Variants in BTG4 observed in about 807,000 individuals in gnomAD.
The protein encoded by BTG4 is protein BTG4.
Under a neutral mutation model 19.3 loss-of-function variants are expected in BTG4, and 10 were observed. The observed-to-expected ratio is 0.52, with a 90% confidence interval of 0.32 to 0.88. The LOEUF is 0.88. Among genes scored for constraint, BTG4 ranks in the 40% least tolerant of loss-of-function variants. The pLI is 0.04. For missense variants in BTG4, 238 were observed against 281.9 expected (o/e 0.84, Z 1.11); for synonymous variants, 91 against 95.7 (o/e 0.95, Z 0.29).
chr11:111,513,053 G>T (rs1216458890), upstream of BTG4: 3 of 457,222 alleles, frequency 6.6e-6, 1 homozygote, highest in South Asian at 4.7e-5. Context: ...GGAAGAAGAC[G>T]CCGGCTCGGG....
chr11:111,431,572 AAATAT>A, the BTG4 span, among the ~76,000 whole-genome samples: 1 of 152,220 alleles, frequency 6.6e-6, no homozygotes, highest in Non-Finnish European at 1.5e-5. Flanking sequence ...TCATATTCTC[AAATAT>A]TCACTGTTTA....
At chr11:111,467,113 C>T (rs1018943200), downstream of BTG4, among the ~76,000 whole-genome samples, 1 of 152,212 alleles carries the variant, frequency 6.6e-6, no homozygotes, top group South Asian at 2.1e-4. Context: ...GAATTAGTCA[C>T]TTTCTACATG....
chr11:111,513,393 T>G (rs1475825110), upstream of BTG4: 1 of 534,010 alleles, frequency 1.9e-6, no homozygotes, highest in Non-Finnish European at 3.8e-6. Context: ...TGCCTGCCTG[T>G]CACAACGTGT....
rs375606339 is a variant in BTG4 at position 111,497,978 on chromosome 11, C to A, written c.311+20G>T. On this transcript the variant is annotated intron_variant, in intron 3 of 4. Coordinates refer to ENST00000692032, the MANE Select transcript of BTG4 (RefSeq NM_001367975.1). ...AGGTTTCCAGGTATCACACAGCACA[C>A]AAACTATGAGATTACTCACCTACAG... The A allele has an allele frequency of 2.2e-5, 35 of 1,611,322 alleles. No individual in the cohort carries two copies. The South Asian group carries it at 3.9e-4, about 18-fold the overall frequency.
the BTG4 span, among the ~76,000 whole-genome samples, chr11:111,433,415 A>G: frequency 1.2e-4 from 18 of 152,362 alleles, no homozygotes; most frequent in Non-Finnish European, 2.4e-4. Context: ...AAGATGGATT[A>G]AAGACTTAAA....
upstream of BTG4, chr11:111,513,372 A>T (rs370065302): frequency 4.5e-5 from 24 of 532,704 alleles, no homozygotes; most frequent in African/African-American, 4.6e-4. Flanking sequence ...GCTCCAACTC[A>T]ACCAATGAAT....
downstream of BTG4, among the ~76,000 whole-genome samples, chr11:111,493,925 C>T (rs1865568873): frequency 6.6e-6 from 1 of 152,164 alleles, no homozygotes; most frequent in Admixed American, 6.5e-5. Flanking sequence ...GCATGTCGTA[C>T]CCAAGTTGGG....
chr11:111,495,381 CAA>C, intron 4 of BTG4, 67 bp from the exon 5 acceptor site: 7 of 1,366,530 alleles, frequency 5.1e-6, no homozygotes, highest in Non-Finnish European at 7.1e-6. Context: ...ACCCATAATT[CAA>C]AAGTCAGGCA....
At chr11:111,496,041 G>A (rs1206773651) in intron 4 of BTG4, among the ~76,000 whole-genome samples, 2 of 152,214 alleles carry the variant, frequency 1.3e-5, no homozygotes, top group Middle Eastern at 3.4e-3. Context: ...GGTTAAAATC[G>A]TTCTGGCATA....
At chr11:111,495,465 A>C in intron 4 of BTG4, 151 bp from the exon 5 acceptor site, 1 of 623,408 alleles carries the variant, frequency 1.6e-6, no homozygotes. Flanking sequence ...AATTTCTAGC[A>C]CTTGGCGGGA....
chr11:111,491,941 AT>A (rs35134868), downstream of BTG4, among the ~76,000 whole-genome samples: 51,545 of 151,634 alleles, frequency 0.34, 8,927 homozygotes, highest in Middle Eastern at 0.39. Context: ...AGTTGATTAT[AT>A]TTTTTCCCCT....
chr11:111,398,701 A>C, the BTG4 span, among the ~76,000 whole-genome samples: 1 of 152,092 alleles, frequency 6.6e-6, no homozygotes, highest in Non-Finnish European at 1.5e-5. Flanking sequence ...TGGTCTGGGA[A>C]TCACACAGTG....
chr11:111,448,653 G>A, the BTG4 span: 2 of 152,796 alleles, frequency 1.3e-5, no homozygotes, highest in East Asian at 3.9e-4. Flanking sequence ...CCGGGGGCCT[G>A]GGCGAGTGTT....
rs575821419 is a variant in BTG4 at position 111,474,048 on chromosome 11, T to C, written c.663-6367A>G. On this transcript the variant is annotated intron_variant, in intron 5 of 5. Coordinates refer to the BTG4 transcript ENST00000356018. ...CAAAGAGAGAACCCCAAAGTCTTCA[T>C]CTTCCCCATGCACAGTAGAGACCTA... Among the ~76,000 whole-genome samples, 24 of 152,292 alleles carry C rather than the reference T, an allele frequency of 1.6e-4. No individual in the cohort carries two copies. The East Asian group carries it at 4.6e-3, about 29-fold the overall frequency.
At chr11:111,410,314 A>T in the BTG4 span, among the ~76,000 whole-genome samples, 1 of 152,048 alleles carries the variant, frequency 6.6e-6, no homozygotes, top group African/African-American at 2.4e-5. Flanking sequence ...AATGTTGCCC[A>T]TGCTGGTCTC....
At chr11:111,398,693 G>C in the BTG4 span, among the ~76,000 whole-genome samples, 3 of 152,120 alleles carry the variant, frequency 2.0e-5, no homozygotes, top group African/African-American at 7.2e-5. Context: ...GCTGCTGCTG[G>C]TCTGGGAATC....
chr11:111,440,803 C>T, the BTG4 span, among the ~76,000 whole-genome samples: 3 of 152,212 alleles, frequency 2.0e-5, no homozygotes, highest in African/African-American at 7.2e-5. Context: ...CAGCAACAAG[C>T]ACCTGCTGTA....
the BTG4 span, among the ~76,000 whole-genome samples, chr11:111,425,439 T>G: frequency 6.6e-6 from 1 of 152,106 alleles, no homozygotes. Context: ...TGCTGACCAT[T>G]TAAGGAGCCT....
At chr11:111,494,178 GAAAACAAAA>G (rs780330137), downstream of BTG4, among the ~76,000 whole-genome samples, 52 of 152,274 alleles carry the variant, frequency 3.4e-4, 1 homozygote, top group Middle Eastern at 0.014. Context: ...TGAAGTAGGA[GAAAACAAAA>G]AGAACAAGTC....
Sources: allele counts gnomAD v4.1 joint callset (sites outside exome capture counted in the v4.1 genomes callset), GRCh38; gene constraint gnomAD v4.1.1; transcripts MANE v1.5; gene names NCBI Gene and HGNC (gene_info 2026-07-23, HGNC 2026-07-21).